The following ANKRD6 variants were observed in gnomAD, a reference collection of about 807,000 sequenced individuals.
ANKRD6 encodes the protein ankyrin repeat domain 6.
ANKRD6 carries 56 observed loss-of-function variants against 82.3 expected under a neutral mutation model. That is an observed-to-expected ratio of 0.68 (90% confidence interval 0.55 to 0.85). The LOEUF is 0.85. ANKRD6 is among the 40% of genes least tolerant of loss of function. The pLI, the probability that ANKRD6 is intolerant of heterozygous loss-of-function variation, is 0.00. For missense variants in ANKRD6, 852 were observed against 907.6 expected, an observed-to-expected ratio of 0.94 and a Z score of 0.79; for synonymous variants, 347 against 352.1, an observed-to-expected ratio of 0.99 and a Z score of 0.16.
At chr6:89,575,201 TTTTA>T (rs1790833073) in intron 2 of ANKRD6, among the ~76,000 whole-genome samples, 1 of 152,210 alleles carries the variant, frequency 6.6e-6, no homozygotes, top group Non-Finnish European at 1.5e-5. Flanking sequence ...TATGGCTTGC[TTTTA>T]CGCAGAAAGG....
intron 3 of ANKRD6, chr6:89,601,920 CGCCCCAGAATGTTTTCTTT>C (rs991444616): frequency 6.6e-6 from 1 of 152,114 alleles, no homozygotes; most frequent in African/African-American, 2.4e-5. Context: ...GCACCAGGGA[CGCCCCAGAATGTTTTCTTT>C]GCCCCTCTGG....
intron 1 of ANKRD6, among the ~76,000 whole-genome samples, chr6:89,434,756 C>G (rs1770413206): frequency 6.6e-6 from 1 of 152,080 alleles, no homozygotes; most frequent in Non-Finnish European, 1.5e-5. Context: ...GTAGGTGTGT[C>G]TATACCGATA....
intron 1 of ANKRD6, among the ~76,000 whole-genome samples, chr6:89,517,858 G>A (rs1373819968): frequency 6.6e-6 from 1 of 152,224 alleles, no homozygotes; most frequent in African/African-American, 2.4e-5. Flanking sequence ...CACATCAGCA[G>A]GTCATGGGAT....
At chr6:89,445,370 A>G (rs1047610556) in intron 1 of ANKRD6, among the ~76,000 whole-genome samples, 36 of 149,000 alleles carry the variant, frequency 2.4e-4, no homozygotes, top group African/African-American at 8.0e-4. Context: ...TCCCAGGTTC[A>G]AGTGATCCTC....
chr6:89,471,473 G>C (rs1345753241), intron 1 of ANKRD6, among the ~76,000 whole-genome samples: 1 of 151,802 alleles, frequency 6.6e-6, no homozygotes, highest in Admixed American at 6.6e-5. Flanking sequence ...TAGAGAGTAA[G>C]TATATATAGA....
intron 1 of ANKRD6, among the ~76,000 whole-genome samples, chr6:89,488,470 C>T (rs1777623188): frequency 6.6e-6 from 1 of 152,114 alleles, no homozygotes; most frequent in African/African-American, 2.4e-5. Context: ...AAACAAACCA[C>T]ATGACAGTGC....
intron 1 of ANKRD6, among the ~76,000 whole-genome samples, chr6:89,486,785 C>A (rs1361565113): frequency 6.6e-6 from 1 of 152,068 alleles, no homozygotes; most frequent in African/African-American, 2.4e-5. Context: ...TGGCCCTCTT[C>A]CTGGTTTCCT....
chr6:89,498,605 G>A (rs1453027652), intron 1 of ANKRD6, among the ~76,000 whole-genome samples: 2 of 152,082 alleles, frequency 1.3e-5, no homozygotes, highest in Admixed American at 6.6e-5. Flanking sequence ...AGAGAGATGT[G>A]TTATAGAGAA....
intron 2 of ANKRD6, among the ~76,000 whole-genome samples, chr6:89,570,275 G>T (rs1340279281): frequency 6.6e-6 from 1 of 152,006 alleles, no homozygotes; most frequent in Non-Finnish European, 1.5e-5. Flanking sequence ...TGCCCAGGCT[G>T]GTCTCGAACT....
intron 1 of ANKRD6, among the ~76,000 whole-genome samples, chr6:89,481,451 A>C (rs1376112799): frequency 1.3e-5 from 2 of 148,254 alleles, no homozygotes; most frequent in South Asian, 2.2e-4. Context: ...ATATTCCCCA[A>C]CCCCCCAAAA....
At chr6:89,565,479 A>G (rs1196520797) in intron 1 of ANKRD6, 2 of 152,208 alleles carry the variant, frequency 1.3e-5, no homozygotes, top group Non-Finnish European at 2.9e-5. Flanking sequence ...CACATAATAA[A>G]ATACCCTCTT....
At chr6:89,541,295 A>G (rs1784419470) in intron 1 of ANKRD6, among the ~76,000 whole-genome samples, 2 of 150,864 alleles carry the variant, frequency 1.3e-5, no homozygotes, top group Non-Finnish European at 3.0e-5. Flanking sequence ...TGTCCTCTTC[A>G]ATTTCTTTTA....
chr6:89,626,391 C>G (rs1027572442), intron 13 of ANKRD6, among the ~76,000 whole-genome samples: 1 of 152,076 alleles, frequency 6.6e-6, no homozygotes, highest in African/African-American at 2.4e-5. Flanking sequence ...TGCTCATACC[C>G]GAGCCAGTTA....
chr6:89,499,603 G>A (rs1779036533), intron 1 of ANKRD6, among the ~76,000 whole-genome samples: 2 of 152,206 alleles, frequency 1.3e-5, no homozygotes. Context: ...CAGGCCAGGG[G>A]TGCCAATAGC....
At chr6:89,622,960 C>A (rs1183942797) in intron 10 of ANKRD6, among the ~76,000 whole-genome samples, 3 of 132,274 alleles carry the variant, frequency 2.3e-5, no homozygotes, top group Non-Finnish European at 4.6e-5. Context: ...GATATTTTTT[C>A]ATTTCAAAGG....
intron 1 of ANKRD6, among the ~76,000 whole-genome samples, chr6:89,549,259 G>A (rs1785500419): frequency 6.6e-6 from 1 of 152,118 alleles, no homozygotes; most frequent in Non-Finnish European, 1.5e-5. Flanking sequence ...ATAATATTAA[G>A]AGGTGAGATG....
intron 5 of ANKRD6, among the ~76,000 whole-genome samples, chr6:89,612,041 G>A (rs1437701257): frequency 6.6e-6 from 1 of 152,242 alleles, no homozygotes; most frequent in African/African-American, 2.4e-5. Context: ...GTAAGTTGCA[G>A]AGCCAGGACT....
At chr6:89,565,870 T>C (rs1164531208) in intron 1 of ANKRD6, among the ~76,000 whole-genome samples, 1 of 152,228 alleles carries the variant, frequency 6.6e-6, no homozygotes, top group Non-Finnish European at 1.5e-5. Flanking sequence ...TTCCTTGCTG[T>C]TCTAGCAGGA....
At chr6:89,470,823 T>C (rs761556056) in intron 1 of ANKRD6, among the ~76,000 whole-genome samples, 2 of 152,154 alleles carry the variant, frequency 1.3e-5, no homozygotes, top group African/African-American at 2.4e-5. Flanking sequence ...AAAGTATATT[T>C]ATTCTAGGTG....
Sources: gnomAD v4.1 joint callset for allele counts (sites outside exome capture counted in the v4.1 genomes callset) on GRCh38, gnomAD v4.1.1 for gene constraint, MANE v1.5 for transcripts, NCBI Gene and HGNC (gene_info 2026-07-23, HGNC 2026-07-21) for gene names.